The following GPC6 variants were observed in gnomAD, a reference collection of about 807,000 sequenced individuals.
The protein encoded by GPC6 is glypican 6.
Under a neutral mutation model 55.2 loss-of-function variants are expected in GPC6, and 14 were observed. The ratio of observed to expected loss-of-function variants is 0.25; its 90% confidence interval spans 0.17 to 0.40. GPC6 has a LOEUF of 0.40. GPC6 is among the 10% of genes least tolerant of loss of function. GPC6 has a pLI of 1.00. For missense variants in GPC6, 641 were observed against 708.5 expected, an observed-to-expected ratio of 0.90 and a Z score of 1.08; for synonymous variants, 278 against 259.6, an observed-to-expected ratio of 1.07 and a Z score of -0.68.
chr13:94,152,301 A>T (rs1289199871), intron 4 of GPC6, among the ~76,000 whole-genome samples: 1 of 152,164 alleles, frequency 6.6e-6, no homozygotes, highest in Non-Finnish European at 1.5e-5. Flanking sequence ...TAAAAAGTGG[A>T]TTGGATTTGG....
At chr13:93,397,095 G>T (rs1048793684) in intron 1 of GPC6, among the ~76,000 whole-genome samples, 1 of 152,072 alleles carries the variant, frequency 6.6e-6, no homozygotes, top group Non-Finnish European at 1.5e-5. Flanking sequence ...CTTATATTTG[G>T]ATGATGTGCT....
intron 1 of GPC6, among the ~76,000 whole-genome samples, chr13:93,487,799 A>G (rs186617131): frequency 5.3e-4 from 80 of 152,352 alleles, no homozygotes; most frequent in Middle Eastern, 3.4e-3. Context: ...ACTTAAGCTT[A>G]TCAAAACCAA....
intron 1 of GPC6, among the ~76,000 whole-genome samples, chr13:93,262,216 G>A (rs1349408258): frequency 6.6e-6 from 1 of 152,054 alleles, no homozygotes; most frequent in African/African-American, 2.4e-5. Context: ...AGGTCCAGAT[G>A]TCAGGGGGTT....
chr13:93,567,619 G>A (rs576469557), intron 2 of GPC6, among the ~76,000 whole-genome samples: 3 of 151,740 alleles, frequency 2.0e-5, no homozygotes, highest in South Asian at 4.2e-4. Flanking sequence ...CTCTGCACCC[G>A]GCCTATTGAA....
At chr13:94,129,008 C>T (rs1028910000) in intron 4 of GPC6, among the ~76,000 whole-genome samples, 1 of 151,866 alleles carries the variant, frequency 6.6e-6, no homozygotes. Context: ...TCAGTAACAA[C>T]AACAAAAAAG....
At chr13:93,478,397 G>A (rs1879380551) in intron 1 of GPC6, among the ~76,000 whole-genome samples, 1 of 152,110 alleles carries the variant, frequency 6.6e-6, no homozygotes, top group Non-Finnish European at 1.5e-5. Flanking sequence ...TTCTCAGAAT[G>A]TCTTCACCAG....
At chr13:93,385,920 T>G (rs1258550779) in intron 1 of GPC6, among the ~76,000 whole-genome samples, 1 of 152,072 alleles carries the variant, frequency 6.6e-6, no homozygotes, top group Non-Finnish European at 1.5e-5. Flanking sequence ...AACACTTGGC[T>G]AACACGGATG....
intron 3 of GPC6, among the ~76,000 whole-genome samples, chr13:93,940,391 C>T (rs971655832): frequency 2.0e-5 from 3 of 148,436 alleles, no homozygotes; most frequent in Non-Finnish European, 3.0e-5. Flanking sequence ...GAAGGATGGA[C>T]GGTTGGATGA....
At chr13:93,488,387 G>A (rs1381064974) in intron 1 of GPC6, among the ~76,000 whole-genome samples, 1 of 152,180 alleles carries the variant, frequency 6.6e-6, no homozygotes, top group Non-Finnish European at 1.5e-5. Flanking sequence ...CATTTGGGTT[G>A]GATCCAAGTC....
chr13:93,434,731 A>G (rs57874435), intron 1 of GPC6, among the ~76,000 whole-genome samples: 5,277 of 152,288 alleles, frequency 0.035, 304 homozygotes, highest in African/African-American at 0.12. Flanking sequence ...TTTTTGAGAC[A>G]GAGTCTCGTT....
chr13:94,236,822 A>G (rs1217910491), intron 4 of GPC6, among the ~76,000 whole-genome samples: 1 of 152,084 alleles, frequency 6.6e-6, no homozygotes, highest in Non-Finnish European at 1.5e-5. Context: ...GAAGGCAAGA[A>G]TGGAGACAGA....
At chr13:93,644,557 G>A (rs562765599) in intron 2 of GPC6, among the ~76,000 whole-genome samples, 2 of 152,072 alleles carry the variant, frequency 1.3e-5, no homozygotes, top group East Asian at 3.9e-4. Context: ...GATATTCACT[G>A]CTTCATTAAA....
At chr13:93,973,490 A>G (rs974312662) in intron 3 of GPC6, among the ~76,000 whole-genome samples, 1 of 152,062 alleles carries the variant, frequency 6.6e-6, no homozygotes, top group Non-Finnish European at 1.5e-5. Flanking sequence ...CCTTTGATAC[A>G]GTTAATTAAG....
chr13:93,346,970 TACA>T, intron 1 of GPC6, among the ~76,000 whole-genome samples: 1 of 152,192 alleles, frequency 6.6e-6, no homozygotes, highest in Non-Finnish European at 1.5e-5. Context: ...TGATTGGTCA[TACA>T]TAAATGATAA....
intron 2 of GPC6, among the ~76,000 whole-genome samples, chr13:93,828,997 A>G (rs937081176): frequency 6.6e-6 from 1 of 152,162 alleles, no homozygotes; most frequent in South Asian, 2.1e-4. Context: ...CCAGAACCCC[A>G]GAAAGGAGAA....
rs969042721 is a variant in GPC6, at chr13:93,616,886, C to G, written c.319+71465C>G. Among the ~76,000 whole-genome samples the G allele has an allele frequency of 1.3e-5, 2 of 152,044 alleles. 1 individual carries two copies. The highest frequency in any genetic ancestry group is 3.8e-4 in the East Asian group (2 of 5,196). On this transcript the variant is annotated intron_variant, in intron 2 of 8. Transcript: ENST00000377047. Reference sequence around the variant, plus strand: ...TTTACTAAAATGCCTATGATATCCTCTAGTGTGTGATCACTTAACCAAAAG... The same window carrying G: ...TTTACTAAAATGCCTATGATATCCTGTAGTGTGTGATCACTTAACCAAAAG...
chr13:93,410,781 A>G (rs1006693432), intron 1 of GPC6, among the ~76,000 whole-genome samples: 4 of 152,170 alleles, frequency 2.6e-5, no homozygotes, highest in Non-Finnish European at 5.9e-5. Flanking sequence ...TCTGAAAAGC[A>G]ATTATAACTT....
At chr13:94,073,776 A>T (rs867412042) in intron 4 of GPC6, among the ~76,000 whole-genome samples, 1 of 152,210 alleles carries the variant, frequency 6.6e-6, no homozygotes, top group South Asian at 2.1e-4. Flanking sequence ...TTAAAAAATT[A>T]AAACAATAGT....
At position 94,157,164 on chromosome 13, in the gene GPC6, T is replaced by G. The variant is rs549837731; in HGVS notation, c.878-129185T>G. On this transcript the variant is annotated intron_variant, in intron 4 of 8. Transcript: ENST00000377047. ...TTTAGATGTATGGCTTTGGGCAAGG[T>G]GATTTTACCTGCCTGGGCCTTAGCA... Among the ~76,000 whole-genome samples, 11 of 152,266 alleles carry G rather than the reference T, an allele frequency of 7.2e-5. No individual in the cohort carries two copies. The East Asian group carries it at 1.7e-3, about 24-fold the overall frequency.
Sources: gnomAD v4.1 joint callset for allele counts (sites outside exome capture counted in the v4.1 genomes callset) on GRCh38, gnomAD v4.1.1 for gene constraint, MANE v1.5 for transcripts, NCBI Gene and HGNC (gene_info 2026-07-23, HGNC 2026-07-21) for gene names.